CDKN2A: variants seen among roughly 807,000 people sequenced by gnomAD.
The protein encoded by CDKN2A is cyclin dependent kinase inhibitor 2A.
Under a neutral mutation model 11.1 loss-of-function variants are expected in CDKN2A, and 3 were observed. The observed-to-expected ratio is 0.27, with a 90% CI of 0.12 to 0.70. The LOEUF (loss-of-function observed/expected upper bound fraction) is 0.70. Among genes scored for constraint, CDKN2A ranks in the 30% least tolerant of loss-of-function variants. The pLI is 0.77. For missense variants in CDKN2A, 265 were observed against 233.6 expected (o/e 1.13, Z -0.88); for synonymous variants, 122 against 108.1 (o/e 1.13, Z -0.80).
intron 2 of CDKN2A, chr9:21,989,717 C>T (rs1587353744): frequency 6.6e-6 from 1 of 152,424 alleles, no homozygotes; most frequent in Non-Finnish European, 1.5e-5. Flanking sequence ...CTGTCATGTC[C>T]TGCCTTTCGT....
intron 2 of CDKN2A, among the ~76,000 whole-genome samples, chr9:21,992,645 A>G (rs1820454205): frequency 1.3e-5 from 2 of 152,168 alleles, no homozygotes; most frequent in Admixed American, 1.3e-4. Flanking sequence ...TGGCATTTAT[A>G]TACATTGACA....
chr9:21,989,345 A>C (rs945985598), intron 2 of CDKN2A: 1 of 152,174 alleles, frequency 6.6e-6, no homozygotes. Context: ...TCTTGTTTTA[A>C]TAGCTACTTA....
In CDKN2A at chr9:21,974,486, T is replaced by C. The variant is rs1563892205; in HGVS notation, c.150+192A>G. On this transcript the variant is annotated intron_variant, in intron 1 of 2. Coordinates refer to ENST00000304494, the MANE Select transcript of CDKN2A (RefSeq NM_000077.5). The surrounding 1 kb of genome is among the most constrained non-coding windows in gnomAD (Gnocchi z 5.2). ...GTACGCGCGTGGCTCCTCATTCCTC[T>C]TCCTTGGCTTCCCAAGCCCCCAGGG... The C allele has an allele frequency of 1.2e-6, 2 of 1,612,906 alleles. No individual in the cohort carries two copies. Among genetic ancestry groups the C allele is most frequent in the African/African-American group, 2.7e-5 (2 of 75,058 alleles).
chr9:21,980,626 T>C (rs1189270229), intron 2 of CDKN2A, among the ~76,000 whole-genome samples: 2 of 152,096 alleles, frequency 1.3e-5, no homozygotes, highest in Non-Finnish European at 2.9e-5. Flanking sequence ...AGAAAGAAGG[T>C]TTCTTAGTCA....
chr9:21,986,421 T>C (rs548900632), intron 2 of CDKN2A, among the ~76,000 whole-genome samples: 1 of 152,096 alleles, frequency 6.6e-6, no homozygotes, highest in African/African-American at 2.4e-5. Flanking sequence ...TGCTTGAGTA[T>C]AGTAGAGGCC....
intron 1 of CDKN2A, among the ~76,000 whole-genome samples, chr9:21,973,412 G>A (rs1819871675): frequency 6.6e-6 from 1 of 152,078 alleles, no homozygotes. Flanking sequence ...TTTTCTACAT[G>A]TTCTTCTCCC....
intron 1 of CDKN2A, among the ~76,000 whole-genome samples, chr9:21,971,575 A>ATGTTTTTTTTTTTTTTTTTTTTTTTTT (rs1819755477): frequency 9.0e-6 from 1 of 111,398 alleles, no homozygotes; most frequent in African/African-American, 4.4e-5. Flanking sequence ...AGGCCTGGAG[A>ATGTTTTTTTTTTTTTTTTTTTTTTTTT]TTTTTTTTTT....
At position 21,992,405 on chromosome 9, in the gene CDKN2A, A is replaced by G. The variant is rs1176659514; in HGVS notation, c.-4+1477T>C. ...AATTGCATATATTTCAAGACATTCT[A>G]TCCAAGCTGTGTTCTATCTTGAGAA... On this transcript the variant is annotated intron_variant, in intron 2 of 3. Transcript: ENST00000494262. 7 of 984,378 alleles carry G rather than the reference A, an allele frequency of 7.1e-6. No individual in the cohort carries two copies. In the Admixed American group the frequency reaches 2.5e-4, roughly 35 times the overall value. The allele number at this position is 984,378 out of a possible 1,614,324, so 61.0% of individuals were successfully genotyped here.
chr9:21,977,346 T>TTTTG (rs1195293616), upstream of CDKN2A, among the ~76,000 whole-genome samples: 3 of 152,170 alleles, frequency 2.0e-5, no homozygotes, highest in Admixed American at 1.3e-4. Context: ...GGTTCTTTCT[T>TTTTG]TTTGTTTGTT....
In CDKN2A at chr9:21,974,516, G is replaced by T. The variant is rs1230488492; in HGVS notation, c.150+162C>A. On this transcript the variant is annotated intron_variant, in intron 1 of 2. Transcript: ENST00000304494. This position sits in a 1 kb window ranked among gnomAD's most constrained non-coding sequence, Gnocchi z 5.2. ...TGGCTTCCCAAGCCCCCAGGGCGTCGCCAGGAGGAGGTCTGTGATTACAAA... is the reference window on the plus strand; with the variant it reads ...TGGCTTCCCAAGCCCCCAGGGCGTCTCCAGGAGGAGGTCTGTGATTACAAA... 1.2e-5 allele frequency: 19 copies of T among 1,613,032 alleles called. No individual in the cohort carries two copies. Among genetic ancestry groups the T allele is most frequent in the Non-Finnish European group, 1.6e-5 (19 of 1,179,840 alleles).
chr9:21,971,149 G>T lies in CDKN2A; in HGVS notation c.210C>A (p.Pro70=), dbSNP rs864622570. Residue 70 remains proline (P), a synonymous_variant, in exon 2 of 3, where the codon CCC becomes CCA. Coordinates refer to ENST00000304494, the MANE Select transcript of CDKN2A (RefSeq NM_000077.5). ...TGAGAGTGGCGGGGTCGGCGCAGTT[G>T]GGCTCCGCGCCGTGGAGCAGCAGCA... ...AELLLLHGAE[P]NCADPATLTR... The T allele has an allele frequency of 6.3e-7, 1 of 1,594,228 alleles. No individual in the cohort carries two copies. Among genetic ancestry groups the T allele is most frequent in the South Asian group, 1.1e-5 (1 of 90,276 alleles).
At chr9:21,994,698 C>A in intron 1 of CDKN2A, 1 of 262,194 alleles carries the variant, frequency 3.8e-6, no homozygotes, top group East Asian at 6.5e-5. Context: ...GCCCCCACCC[C>A]CACCACCATC....
chr9:21,979,243 G>T (rs80313847), upstream of CDKN2A, among the ~76,000 whole-genome samples: 844 of 152,294 alleles, frequency 5.5e-3, 7 homozygotes, highest in African/African-American at 0.017. Flanking sequence ...AGCCTGTGAA[G>T]GACTCCTCAG....
Position 21,987,475 on chromosome 9 carries a change from A to G in CDKN2A, c.-4+6407T>C, listed in dbSNP as rs371813742. Among the ~76,000 whole-genome samples the G allele has an allele frequency of 5.0e-5, 7 of 138,644 alleles. No individual in the cohort carries two copies. The East Asian group carries it at 1.5e-3, about 29-fold the overall frequency. The allele number at this position is 138,644 out of a possible 152,430, so 91.0% of individuals were successfully genotyped here. On this transcript the variant is annotated intron_variant, in intron 2 of 3. Transcript: ENST00000494262. ...GAGAGAGATCCATTCATCCTGCACG[A>G]ACAGAAAGAAGTGTATATAGTGTTT...
chr9:21,973,630 G>A lies in CDKN2A; in HGVS notation c.150+1048C>T, dbSNP rs148602117. 4.0e-4 allele frequency among the ~76,000 whole-genome samples: 61 copies of A among 152,222 alleles called. 1 individual carries two copies. The highest frequency in any genetic ancestry group is 4.0e-3 in the Admixed American group (61 of 15,302). On this transcript the variant is annotated intron_variant, in intron 1 of 2. Transcript: ENST00000304494. Reference sequence around the variant, plus strand: ...CCCTCACAAAACAGGAGTAGGGAGAGGAGAAACACCTCTGTTCAAAAATGA... The same window carrying A: ...CCCTCACAAAACAGGAGTAGGGAGAAGAGAAACACCTCTGTTCAAAAATGA...
intron 2 of CDKN2A, among the ~76,000 whole-genome samples, chr9:21,992,859 T>C (rs953012558): frequency 6.6e-6 from 1 of 151,966 alleles, no homozygotes; most frequent in African/African-American, 2.4e-5. Context: ...ACAACCAGGG[T>C]CTTGTCAATG....
At chr9:21,973,037 A>G (rs964540515) in intron 1 of CDKN2A, among the ~76,000 whole-genome samples, 4 of 152,222 alleles carry the variant, frequency 2.6e-5, no homozygotes, top group African/African-American at 9.6e-5. Context: ...AAGAGAAAGT[A>G]TAAGCAAACC....
chr9:21,968,866 C>T lies in CDKN2A; in HGVS notation c.458-624G>A. 8.0e-7 allele frequency: 1 copy of T among 1,242,874 alleles called. No individual in the cohort carries two copies. Among genetic ancestry groups the T allele is most frequent in the Admixed American group, 2.0e-5 (1 of 50,558 alleles). The allele number at this position is 1,242,874 out of a possible 1,614,324, so 77.0% of individuals were successfully genotyped here. ...ATGGGCTCCAGCTCGCCGTTCGGTT[C>T]TCCCGAGGCAGCATTTACACTTGAG... On this transcript the variant is annotated intron_variant, in intron 2 of 2. Coordinates refer to ENST00000304494, the MANE Select transcript of CDKN2A (RefSeq NM_000077.5). This position sits in a 1 kb window ranked among gnomAD's most constrained non-coding sequence, Gnocchi z 4.7.
At chr9:21,973,401 CT>C in intron 1 of CDKN2A, among the ~76,000 whole-genome samples, 1 of 152,144 alleles carries the variant, frequency 6.6e-6, no homozygotes, top group African/African-American at 2.4e-5. Flanking sequence ...ATCATTTCCC[CT>C]TTTCTACATG....
Sources: allele counts gnomAD v4.1 joint callset (sites outside exome capture counted in the v4.1 genomes callset), GRCh38; gene constraint gnomAD v4.1.1; non-coding constraint Gnocchi (gnomAD v3.1); transcripts MANE v1.5; gene names NCBI Gene and HGNC (gene_info 2026-07-23, HGNC 2026-07-21).